PACRG: variants seen among roughly 807,000 people sequenced by gnomAD.
PACRG encodes the protein parkin coregulated gene protein.
PACRG carries 29 observed loss-of-function variants against 29.7 expected under a neutral mutation model. The ratio of observed to expected loss-of-function variants is 0.98; its 90% CI spans 0.73 to 1.33. PACRG has a LOEUF of 1.33. Among genes scored for constraint, PACRG ranks in the 40% most tolerant of loss-of-function variants. The pLI is 0.00. For synonymous variants in PACRG, 116 were observed against 118.7 expected, an observed-to-expected ratio of 0.98 and a Z score of 0.15; for missense variants, 279 against 316.2, an observed-to-expected ratio of 0.88 and a Z score of 0.89.
chr6:162,999,402 C>G (rs1223383841), intron 2 of PACRG, among the ~76,000 whole-genome samples: 1 of 152,208 alleles, frequency 6.6e-6, no homozygotes, highest in Non-Finnish European at 1.5e-5. Flanking sequence ...AAGTTGTTTA[C>G]TGGCCTGTGA....
chr6:162,919,945 A>G (rs561431545), intron 2 of PACRG, among the ~76,000 whole-genome samples: 1 of 152,282 alleles, frequency 6.6e-6, no homozygotes, highest in Non-Finnish European at 1.5e-5. Context: ...TAGATCTTCT[A>G]AAAAGATGAT....
At chr6:162,988,818 T>G (rs1471564511) in intron 2 of PACRG, among the ~76,000 whole-genome samples, 11 of 152,124 alleles carry the variant, frequency 7.2e-5, no homozygotes, top group Non-Finnish European at 1.3e-4. Flanking sequence ...CTTAATAATA[T>G]GAGAACAATA....
chr6:163,062,699 A>G (rs491862), intron 3 of PACRG, among the ~76,000 whole-genome samples: 83,014 of 151,982 alleles, frequency 0.55, 23,823 homozygotes, highest in East Asian at 0.95. Context: ...TGTTGAGTAT[A>G]TTTGAGGTAG....
chr6:162,967,954 T>A (rs1801188052), intron 2 of PACRG, among the ~76,000 whole-genome samples: 1 of 152,214 alleles, frequency 6.6e-6, no homozygotes, highest in African/African-American at 2.4e-5. Flanking sequence ...TTTTAAAATA[T>A]TCTATATTTC....
chr6:163,205,953 GA>G (rs1214990565), intron 4 of PACRG, among the ~76,000 whole-genome samples: 2 of 152,070 alleles, frequency 1.3e-5, no homozygotes, highest in Non-Finnish European at 2.9e-5. Flanking sequence ...ACAAGCATGT[GA>G]AAAAATGCTT....
intron 2 of PACRG, among the ~76,000 whole-genome samples, chr6:162,882,628 G>A (rs1793987326): frequency 6.6e-6 from 1 of 152,160 alleles, no homozygotes; most frequent in Non-Finnish European, 1.5e-5. Context: ...GGACCCTGAG[G>A]AGTAGGCAAG....
At chr6:163,133,364 A>G (rs1465250910) in intron 4 of PACRG, among the ~76,000 whole-genome samples, 1 of 152,240 alleles carries the variant, frequency 6.6e-6, no homozygotes, top group Non-Finnish European at 1.5e-5. Flanking sequence ...AAGTCTCTGC[A>G]TCAAGGAGAA....
At chr6:163,163,438 A>G (rs1778651303) in intron 4 of PACRG, among the ~76,000 whole-genome samples, 1 of 151,850 alleles carries the variant, frequency 6.6e-6, no homozygotes, top group South Asian at 2.1e-4. Flanking sequence ...CGCCCGACTA[A>G]TTTTTGCATT....
chr6:162,823,179 G>T (rs1584462240), intron 2 of PACRG, among the ~76,000 whole-genome samples: 1 of 152,056 alleles, frequency 6.6e-6, no homozygotes, highest in African/African-American at 2.4e-5. Context: ...TCAATGTATT[G>T]TTTGTTTGTT....
chr6:162,999,033 C>T (rs1049453657), intron 2 of PACRG, among the ~76,000 whole-genome samples: 1 of 152,060 alleles, frequency 6.6e-6, no homozygotes, highest in Non-Finnish European at 1.5e-5. Context: ...TTTCTCACAC[C>T]TGAATAGGAA....
chr6:162,961,965 A>G (rs1323389478), intron 2 of PACRG, among the ~76,000 whole-genome samples: 2 of 152,050 alleles, frequency 1.3e-5, no homozygotes, highest in Non-Finnish European at 2.9e-5. Flanking sequence ...CCAATTATAT[A>G]TTTCTTGTGG....
intron 4 of PACRG, among the ~76,000 whole-genome samples, chr6:163,276,225 G>T (rs1200440515): frequency 6.6e-6 from 1 of 151,838 alleles, no homozygotes; most frequent in Non-Finnish European, 1.5e-5. Context: ...ATGGGGTTTT[G>T]CCATATTGGC....
At chr6:162,983,666 T>C (rs1802624928) in intron 2 of PACRG, among the ~76,000 whole-genome samples, 1 of 152,086 alleles carries the variant, frequency 6.6e-6, no homozygotes, top group Non-Finnish European at 1.5e-5. Context: ...GGGTTTCTGC[T>C]AAGAAGTCTG....
chr6:162,728,591 T>G (rs189951522), intron 1 of PACRG, among the ~76,000 whole-genome samples, 200 bp downstream of exon 1: 1 of 152,172 alleles, frequency 6.6e-6, no homozygotes, highest in African/African-American at 2.4e-5. Flanking sequence ...GGGCAAGTGA[T>G]GTACTCTGCC....
In PACRG at chr6:162,752,599, C is replaced by T. The variant is rs183277269; in HGVS notation, c.156+24208C>T. 2.3e-3 allele frequency among the ~76,000 whole-genome samples: 356 copies of T among 152,272 alleles called. 1 individual carries two copies. The highest frequency in any genetic ancestry group is 8.1e-3 in the African/African-American group (338 of 41,556). On this transcript the variant is annotated intron_variant, in intron 1 of 4. Coordinates refer to ENST00000366888, the MANE Select transcript of PACRG (RefSeq NM_001080379.2). ...ACCAATGTTTCCCAAAAGGCATCAA[C>T]CTGCTGAAAAAGGTTAACAGAACAT...
At position 163,030,347 on chromosome 6, in the gene PACRG, TATC is replaced by T. The variant is rs201216558; in HGVS notation, c.292-31802_292-31800del. On this transcript the variant is annotated intron_variant, in intron 2 of 4. Transcript: ENST00000366888. ...AGATATATAGAATTAGCCAAAATTCTATCGAGATACAGTAAGTTCCAACATAAA... is the reference window on the plus strand; with the variant it reads ...AGATATATAGAATTAGCCAAAATTCTGAGATACAGTAAGTTCCAACATAAA... 5.9e-4 allele frequency among the ~76,000 whole-genome samples: 90 copies of T among 152,352 alleles called. 3 individuals carry two copies. In the East Asian group the frequency reaches 0.017, roughly 29 times the overall value.
intron 2 of PACRG, among the ~76,000 whole-genome samples, chr6:162,934,975 G>T (rs1007787460): frequency 1.3e-5 from 2 of 152,140 alleles, no homozygotes; most frequent in Admixed American, 6.5e-5. Context: ...GCTGATAGTT[G>T]TTGTTTTTTC....
At chr6:163,295,683 G>A (rs558330806) in intron 4 of PACRG, among the ~76,000 whole-genome samples, 59 of 152,258 alleles carry the variant, frequency 3.9e-4, no homozygotes, top group African/African-American at 1.3e-3. Context: ...TTATAATAAT[G>A]ATTATAATTA....
chr6:162,969,760 C>T (rs1801371607), intron 2 of PACRG, among the ~76,000 whole-genome samples: 1 of 152,186 alleles, frequency 6.6e-6, no homozygotes, highest in South Asian at 2.1e-4. Context: ...TCAAGACGTT[C>T]TACTTGACTC....
Sources: allele counts gnomAD v4.1 joint callset (sites outside exome capture counted in the v4.1 genomes callset), GRCh38; gene constraint gnomAD v4.1.1; transcripts MANE v1.5; gene names NCBI Gene and HGNC (gene_info 2026-07-23, HGNC 2026-07-21).